DNAJB1: variants seen among roughly 807,000 people sequenced by gnomAD.
The protein encoded by DNAJB1 is dnaJ homolog subfamily B member 1.
A neutral mutation model predicts 24.0 loss-of-function variants in DNAJB1; 14 were observed. That is an observed-to-expected ratio of 0.58 (90% CI 0.39 to 0.91). The LOEUF (loss-of-function observed/expected upper bound fraction) is 0.91. Among genes scored for constraint, DNAJB1 ranks in the 40% least tolerant of loss-of-function variants. The pLI, the probability that DNAJB1 is intolerant of heterozygous loss-of-function variation, is 0.00. For synonymous variants in DNAJB1, 262 were observed against 174.4 expected (o/e 1.50, Z -3.96); for missense variants, 517 against 458.1 (o/e 1.13, Z -1.17).
chr19:14,529,709 G>C (rs761583185), upstream of DNAJB1: 3 of 1,614,136 alleles, frequency 1.9e-6, no homozygotes. Context: ...GAAGCATTAC[G>C]AGGTAAGAAG....
At chr19:14,557,114 C>CTTATTTATTTATTTATTTATTTATTTAT (rs3050003) in intron 1 of DNAJB1, among the ~76,000 whole-genome samples, 10 of 140,450 alleles carry the variant, frequency 7.1e-5, no homozygotes, top group Admixed American at 1.4e-4. Context: ...TTGGTCTAAT[C>CTTATTTATTTATTTATTTATTTATTTAT]TTATTTATTT....
chr19:14,537,313 A>C (rs1352316611), intron 1 of DNAJB1, among the ~76,000 whole-genome samples: 1 of 149,426 alleles, frequency 6.7e-6, no homozygotes, highest in African/African-American at 2.5e-5. Context: ...GGACCGAGTA[A>C]CAAGAAGGTG....
intron 1 of DNAJB1, among the ~76,000 whole-genome samples, chr19:14,557,908 A>G (rs1179983899): frequency 6.6e-6 from 1 of 151,268 alleles, no homozygotes; most frequent in Non-Finnish European, 1.5e-5. Context: ...GGCACCCACC[A>G]CCGCACCCGG....
chr19:14,521,440 C>G (rs1215335026), upstream of DNAJB1, among the ~76,000 whole-genome samples: 2 of 144,212 alleles, frequency 1.4e-5, no homozygotes, highest in Non-Finnish European at 3.0e-5. Flanking sequence ...GACTGGGTGA[C>G]AGAGTGAGAG....
rs1260891128 is a variant in DNAJB1 at position 14,515,566 on chromosome 19, C to T, written c.*374G>A. 6 of 246,286 alleles carry T rather than the reference C, an allele frequency of 2.4e-5. No homozygotes were observed. Among genetic ancestry groups the T allele is most frequent in the Non-Finnish European group, 4.7e-5 (6 of 126,528 alleles). 15.3% of individuals were successfully genotyped at this position (246,286 alleles called of 1,614,324 possible). A position where few individuals can be genotyped will look rare whatever the true frequency, so the allele number is the denominator to read the frequency against. ...GTACAGGGTCTGGGAATCAAGACTG[C>T]AGGTTGACATTATCTACCAGCCAGA... On this transcript the variant is annotated 3_prime_UTR_variant, in exon 3 of 3. Transcript: ENST00000254322.
intron 1 of DNAJB1, chr19:14,536,796 C>T (rs1205292670): frequency 6.6e-6 from 1 of 152,082 alleles, no homozygotes. Flanking sequence ...TCCCTGCCTC[C>T]CAGGGTTATC....
At chr19:14,536,655 C>G (rs572681304) in intron 1 of DNAJB1, 1 of 152,136 alleles carries the variant, frequency 6.6e-6, no homozygotes, top group Non-Finnish European at 1.5e-5. Context: ...CTTCCCAACT[C>G]TGTGTTCAGG....
At chr19:14,526,730 A>C (rs1022869545) in intron 2 of DNAJB1, among the ~76,000 whole-genome samples, 2 of 152,130 alleles carry the variant, frequency 1.3e-5, no homozygotes, top group African/African-American at 2.4e-5. Context: ...GTACACCATC[A>C]TGCCCTATCT....
chr19:14,547,923 GC>G (rs2073360351), intron 1 of DNAJB1, among the ~76,000 whole-genome samples: 1 of 150,868 alleles, frequency 6.6e-6, no homozygotes, highest in African/African-American at 2.4e-5. Flanking sequence ...GGATCCTCCT[GC>G]CTTGGCCTCC....
chr19:14,521,613 T>C (rs2072360986), upstream of DNAJB1, among the ~76,000 whole-genome samples: 1 of 152,110 alleles, frequency 6.6e-6, no homozygotes. Context: ...CTGGGTCATG[T>C]TCAGGAAGTT....
intron 1 of DNAJB1, among the ~76,000 whole-genome samples, chr19:14,538,707 A>AT (rs2072991285): frequency 6.7e-6 from 1 of 148,296 alleles, no homozygotes; most frequent in African/African-American, 2.5e-5. Flanking sequence ...TAATTTTTGT[A>AT]TTTTTAGTAG....
rs1010055606 is a variant in DNAJB1, at chr19:14,515,254, A to G, written c.*686T>C. 1.9e-4 allele frequency: 29 copies of G among 152,730 alleles called. No individual in the cohort carries two copies. Among genetic ancestry groups the G allele is most frequent in the African/African-American group, 6.3e-4 (26 of 41,546 alleles). 9.5% of individuals were successfully genotyped at this position (152,730 alleles called of 1,614,324 possible). A position where few individuals can be genotyped will look rare whatever the true frequency, so the allele number is the denominator to read the frequency against. The stretch of plus-strand genomic sequence containing the variant: ...CCACAAAGTGAGGACATTCAGCTTC[A>G]CTGGAGCCAGAGGTCAGGAAGGCCC... On this transcript the variant is annotated 3_prime_UTR_variant, in exon 3 of 3. Coordinates refer to ENST00000254322, the MANE Select transcript of DNAJB1 (RefSeq NM_006145.3).
chr19:14,537,336 T>C (rs2072939364), intron 1 of DNAJB1, among the ~76,000 whole-genome samples: 1 of 149,570 alleles, frequency 6.7e-6, no homozygotes, highest in Non-Finnish European at 1.5e-5. Context: ...ACGGGATGAG[T>C]GGTGGGCTTT....
upstream of DNAJB1, among the ~76,000 whole-genome samples, chr19:14,523,396 C>A (rs1222122784): frequency 6.6e-6 from 1 of 151,840 alleles, no homozygotes; most frequent in Non-Finnish European, 1.5e-5. Context: ...CTCACTGCAA[C>A]TTCCGCCTCC....
chr19:14,548,241 G>C (rs12460232), intron 1 of DNAJB1, among the ~76,000 whole-genome samples: 28,936 of 151,930 alleles, frequency 0.19, 3,346 homozygotes, highest in South Asian at 0.42. Flanking sequence ...GATTACAGGT[G>C]TGAGCCACTG....
rs553711461 is a variant in DNAJB1 at position 14,558,997 on chromosome 19, C to T, written c.-2166+1034G>A. Among the ~76,000 whole-genome samples the T allele has an allele frequency of 2.0e-5, 3 of 152,244 alleles. No homozygotes were observed. The East Asian group carries it at 5.8e-4, about 29-fold the overall frequency. On this transcript the variant is annotated intron_variant, in intron 1 of 5. Coordinates refer to the DNAJB1 transcript ENST00000679223. ...CCTGGGCAGGCGTGTGTGTGTGTGG[C>T]AGGCACAGAGCAGAGATTGGGGTGG... is the stretch of plus-strand genomic sequence containing the variant.
At position 14,545,682 on chromosome 19, in the gene DNAJB1, C is replaced by T. The variant is rs114217837; in HGVS notation, c.-214+4526G>A. 7.8e-3 allele frequency: 1,323 copies of T among 169,224 alleles called. 17 individuals are homozygous for T. Among genetic ancestry groups the T allele is most frequent in the African/African-American group, 0.03 (1,258 of 41,988 alleles). The allele number at this position is 169,224 out of a possible 1,614,324, so 10.5% of individuals were successfully genotyped here. A position where few individuals can be genotyped will look rare whatever the true frequency, so the allele number is the denominator to read the frequency against. ...CAGTCCGTGTTGGTTGCGTGCATGG[C>T]GAGTGCAAACTGCACAGTTAGCAGA... On this transcript the variant is annotated intron_variant, in intron 1 of 3. Transcript: ENST00000676982.
upstream of DNAJB1, among the ~76,000 whole-genome samples, chr19:14,550,391 TGGACTC>T (rs1359091700): frequency 6.6e-6 from 1 of 152,126 alleles, no homozygotes; most frequent in East Asian, 1.9e-4. Flanking sequence ...ACCTGTCTGC[TGGACTC>T]GGGCAGTCGG....
At chr19:14,539,442 G>A (rs901491740) in intron 1 of DNAJB1, among the ~76,000 whole-genome samples, 1 of 152,046 alleles carries the variant, frequency 6.6e-6, no homozygotes, top group Admixed American at 6.6e-5. Context: ...TGGCCACCAG[G>A]TGCCTGTCAC....
Sources: gnomAD v4.1 joint callset for allele counts (sites outside exome capture counted in the v4.1 genomes callset) on GRCh38, gnomAD v4.1.1 for gene constraint, MANE v1.5 for transcripts, NCBI Gene and HGNC (gene_info 2026-07-23, HGNC 2026-07-21) for gene names.